MACF1: variants seen among roughly 807,000 people sequenced by gnomAD.
MACF1 encodes microtubule-actin cross-linking factor 1.
MACF1 carries 193 observed loss-of-function variants against 854.8 expected under a neutral mutation model. The ratio of observed to expected loss-of-function variants is 0.23; its 90% CI spans 0.20 to 0.25. MACF1 has a LOEUF of 0.25. Ranked by LOEUF, MACF1 falls within the 10% of genes least tolerant of loss-of-function variation. MACF1 has a pLI of 1.00. For missense variants in MACF1, 7,722 were observed against 8,929.1 expected (o/e 0.86, Z 5.45); for synonymous variants, 3,185 against 3,226.7 (o/e 0.99, Z 0.44).
chr1:39,462,121 T>A, intron 93 of MACF1, 84 bp downstream of exon 93: 1 of 1,333,292 alleles, frequency 7.5e-7, no homozygotes, highest in Non-Finnish European at 1.1e-6. Context: ...GTGATCATAT[T>A]AGCCTTTGAC....
rs1238575566 is a variant in MACF1, at chr1:39,324,226, G to A, written c.4270G>A (p.Glu1424Lys). ...AGAAGAGGAGAAACAAGAACATGTG[G>A]AGAAGGTTAAAGAACTTTTGGGCTG... is the stretch of plus-strand genomic sequence containing the variant. ...VVEEEKQEHV[E>K]KVKELLGWVS... is the part of the protein sequence containing the mutation. Residue 1424 changes from glutamate to lysine, a missense_variant, in exon 34 of 101, where the codon GAG becomes AAG. Physicochemically the swap from Glu to Lys is moderately conservative, Grantham distance 56. This residue lies in a region of MACF1 where 1,137 missense variants were observed against 1,263.0 expected (regional missense o/e 0.90). Coordinates refer to ENST00000564288, the MANE Select transcript of MACF1 (RefSeq NM_001394062.1). The A allele has an allele frequency of 2.5e-6, 4 of 1,611,560 alleles. No homozygotes were observed. Among genetic ancestry groups the A allele is most frequent in the Non-Finnish European group, 3.4e-6 (4 of 1,178,866 alleles).
At chr1:39,310,511 G>T in intron 25 of MACF1, 83 bp downstream of exon 25, 1 of 1,403,712 alleles carries the variant, frequency 7.1e-7, no homozygotes. Flanking sequence ...ATATAAATGA[G>T]AGAGTAACAT....
Position 39,309,672 on chromosome 1 carries a change from T to C in MACF1, c.2892T>C (p.Leu964=), listed in dbSNP as rs1422795430. Residue 964 remains leucine (L), a synonymous_variant, in exon 24 of 101, where the codon CTT becomes CTC. Transcript: ENST00000564288. Reference sequence around the variant, plus strand: ...ACTATCTGCGTAAAGACCTTGACCTTGTACAGACCTGGAACCTAGAAAAGG... The same window carrying C: ...ACTATCTGCGTAAAGACCTTGACCTCGTACAGACCTGGAACCTAGAAAAGG... ...SWNYLRKDLD[L]VQTWNLEKLR... The C allele has an allele frequency of 3.3e-5, 53 of 1,614,028 alleles. No homozygotes were observed. The highest frequency in any genetic ancestry group is 4.2e-5 in the Non-Finnish European group (50 of 1,179,958).
At chr1:39,158,028 A>T (rs1027673245) in intron 2 of MACF1, among the ~76,000 whole-genome samples, 7 of 152,244 alleles carry the variant, frequency 4.6e-5, no homozygotes, top group Admixed American at 4.6e-4. Context: ...TGAGTTCCTT[A>T]CAACAAAGAT....
Position 39,171,749 on chromosome 1 carries a change from C to T in MACF1, c.221-59433C>T, listed in dbSNP as rs150103450. 9.3e-3 allele frequency among the ~76,000 whole-genome samples: 1,415 copies of T among 152,230 alleles called. 26 individuals carry two copies. Among genetic ancestry groups the T allele is most frequent in the African/African-American group, 0.032 (1,344 of 41,536 alleles). ...CACGCCATTCTCCTGCCTCAGCTTC[C>T]CGAGTAGCTGGGACTACAGGCACCC... On this transcript the variant is annotated intron_variant, in intron 2 of 93. Transcript: ENST00000361689.
intron 38 of MACF1, among the ~76,000 whole-genome samples, chr1:39,338,979 G>GA (rs563217641): frequency 8.6e-5 from 13 of 151,882 alleles, no homozygotes; most frequent in African/African-American, 1.2e-4. Flanking sequence ...GACTATTTAG[G>GA]AAAAAAAACA....
rs1236661942 is a variant in MACF1 at position 39,350,911 on chromosome 1, C to T, written c.11092C>T (p.Leu3698Phe). 6.2e-7 allele frequency: 1 copy of T among 1,614,098 alleles called. No individual in the cohort carries two copies. Among genetic ancestry groups the T allele is most frequent in the Admixed American group, 1.7e-5 (1 of 60,012 alleles). ...PRELTALREK[L>F]HQAKEQYEAL... ...TGAGTTGACAGCTCTTCGGGAAAAG[C>T]TTCATCAGGCTAAGGAGCAATATGA... The change falls in exon 43 of 101, where the codon CTT becomes TTT. Residue 3698 changes from leucine to phenylalanine, a missense_variant. Leu to Phe is a conservative substitution (Grantham distance 22, BLOSUM62 0). Transcript: ENST00000564288.
rs761752499 is a variant in MACF1, at chr1:39,458,323, TA to T, written c.21076-42del. On this transcript the variant is annotated intron_variant, in intron 89 of 100. Coordinates refer to ENST00000564288, the MANE Select transcript of MACF1 (RefSeq NM_001394062.1). ...AGCTCTTCCTTTGCCCCCATAAGAGTAAAAATACAATATTTAACTCTTTTTC... is the reference window on the plus strand; with the variant it reads ...AGCTCTTCCTTTGCCCCCATAAGAGTAAAATACAATATTTAACTCTTTTTC... 5.3e-5 allele frequency: 84 copies of T among 1,597,914 alleles called. No individual in the cohort carries two copies. In the East Asian group the frequency reaches 1.8e-3, roughly 35 times the overall value.
intron 15 of MACF1, among the ~76,000 whole-genome samples, chr1:39,288,518 G>A (rs1645698480): frequency 6.7e-6 from 1 of 149,194 alleles, no homozygotes; most frequent in Admixed American, 6.7e-5. Context: ...AAAAAGTACA[G>A]GCTGGGCGTG....
At chr1:39,237,157 C>A (rs939497927) in intron 2 of MACF1, among the ~76,000 whole-genome samples, 13 of 152,222 alleles carry the variant, frequency 8.5e-5, no homozygotes. Flanking sequence ...TACTTTCACA[C>A]CTCCTTGCTT....
chr1:39,381,991 C>G lies in MACF1; in HGVS notation c.13687C>G (p.Arg4563Gly). The change falls in exon 56 of 101, where the codon CGG (arginine) becomes GGG (glycine). Residue 4563 changes from arginine to glycine, a missense_variant. Arg to Gly is a moderately radical substitution (Grantham distance 125). This residue lies in a region of MACF1 where 2,807 missense variants were observed against 3,235.8 expected (regional missense o/e 0.87). Coordinates refer to ENST00000564288, the MANE Select transcript of MACF1 (RefSeq NM_001394062.1). The part of the protein sequence containing the change: ...WERATEVTVA[R>G]QRQLEESASH... ...AAGGGCCACTGAGGTTACTGTGGCT[C>G]GGCAAAGGCAGCTAGAGGAATCTGC... 1 of 1,614,052 alleles carries G rather than the reference C, an allele frequency of 6.2e-7. No individual in the cohort carries two copies. Among genetic ancestry groups the G allele is most frequent in the Non-Finnish European group, 8.5e-7 (1 of 1,180,012 alleles).
intron 58 of MACF1, among the ~76,000 whole-genome samples, chr1:39,400,554 T>C (rs893809355): frequency 1.3e-5 from 2 of 152,036 alleles, no homozygotes; most frequent in African/African-American, 4.8e-5. Flanking sequence ...CAATCAAGCC[T>C]GAAGTGCAGT....
At chr1:39,247,640 G>A (rs1360344211) in intron 2 of MACF1, among the ~76,000 whole-genome samples, 1 of 152,170 alleles carries the variant, frequency 6.6e-6, no homozygotes, top group Non-Finnish European at 1.5e-5. Flanking sequence ...TTACATCATG[G>A]AAATCAGCAA....
At chr1:39,482,192 A>G (rs1219536252) in intron 99 of MACF1, among the ~76,000 whole-genome samples, 6 of 152,146 alleles carry the variant, frequency 3.9e-5, no homozygotes, top group African/African-American at 1.4e-4. Flanking sequence ...TAGCCAGGCC[A>G]TCTCCTGACT....
At chr1:39,446,276 T>C (rs961490834) in intron 80 of MACF1, among the ~76,000 whole-genome samples, 2 of 151,054 alleles carry the variant, frequency 1.3e-5, no homozygotes, top group Admixed American at 6.6e-5. Flanking sequence ...TATAAAGATA[T>C]AAATTAGATA....
In MACF1 at chr1:39,353,180, G is replaced by A. The variant is rs762760317; in HGVS notation, c.11373G>A (p.Met3791Ile). 1.9e-6 allele frequency: 3 copies of A among 1,611,746 alleles called. No individual in the cohort carries two copies. The highest frequency in any genetic ancestry group is 1.7e-5 in the Admixed American group (1 of 59,974). Reference sequence around the variant, plus strand: ...CCTTGGACACCACTGATGGTTACATGGGGGTGAATCAAGCCCCAGAGAAAC... The same window carrying A: ...CCTTGGACACCACTGATGGTTACATAGGGGTGAATCAAGCCCCAGAGAAAC... ...KGALDTTDGY[M>I]GVNQAPEKLD... The change falls in exon 44 of 101, where the codon ATG becomes ATA. Residue 3791 changes from methionine (M) to isoleucine (I), a missense_variant. Met to Ile is a conservative substitution (Grantham distance 10). Around this residue, in one of 15 missense-constraint regions of MACF1, gnomAD observed 2,807 missense variants for 3,235.8 expected, o/e 0.87. Transcript: ENST00000564288.
intron 49 of MACF1, among the ~76,000 whole-genome samples, chr1:39,362,788 A>C (rs962011815): frequency 6.6e-6 from 1 of 152,174 alleles, no homozygotes; most frequent in African/African-American, 2.4e-5. Context: ...CTGGAGTGTC[A>C]CTACTTTTAG....
chr1:39,105,491 A>G lies in MACF1; in HGVS notation c.220+21053A>G. 3 of 1,009,378 alleles carry G rather than the reference A, an allele frequency of 3.0e-6. No homozygotes were observed. Among genetic ancestry groups the G allele is most frequent in the Non-Finnish European group, 3.5e-6 (3 of 846,928 alleles). The allele number at this position is 1,009,378 out of a possible 1,614,324, so 62.5% of individuals were successfully genotyped here. A position where few individuals can be genotyped will look rare whatever the true frequency, so the allele number is the denominator to read the frequency against. On this transcript the variant is annotated intron_variant, in intron 2 of 93. Transcript: ENST00000361689. The surrounding 1 kb of genome is among the most constrained non-coding windows in gnomAD (Gnocchi z 5.9). ...CTGCCGGGCCGGGCGAGGCGGGCGGACGGCGGAGAGCGAGGGCGCCGTCGC... is the reference window on the plus strand; with the variant it reads ...CTGCCGGGCCGGGCGAGGCGGGCGGGCGGCGGAGAGCGAGGGCGCCGTCGC...
intron 2 of MACF1, among the ~76,000 whole-genome samples, chr1:39,094,383 CAA>C (rs1175294082): frequency 4.9e-5 from 7 of 143,974 alleles, no homozygotes; most frequent in Admixed American, 2.1e-4. Flanking sequence ...GCCTGGGCAA[CAA>C]GAGTGAAATT....
Sources: gnomAD v4.1 joint callset for allele counts (sites outside exome capture counted in the v4.1 genomes callset) on GRCh38, gnomAD v4.1.1 for gene constraint, gnomAD v4.1.1 regional missense constraint, Gnocchi (gnomAD v3.1) non-coding constraint, MANE v1.5 for transcripts, NCBI Gene and HGNC (gene_info 2026-07-23, HGNC 2026-07-21) for gene names.